Variants in AEBP2 observed in about 807,000 individuals in gnomAD.
AEBP2 encodes AE binding protein 2.
In AEBP2, 10 loss-of-function variants were observed where a neutral mutation model predicts 50.8. The ratio of observed to expected loss-of-function variants is 0.20; its 90% CI spans 0.12 to 0.33. The LOEUF (loss-of-function observed/expected upper bound fraction) is 0.33. AEBP2 is among the 10% of genes least tolerant of loss of function. The pLI, the probability that AEBP2 is intolerant of heterozygous loss-of-function variation, is 1.00. For synonymous variants in AEBP2, 296 were observed against 261.3 expected (o/e 1.13, Z -1.28); for missense variants, 570 against 688.0 (o/e 0.83, Z 1.92).
chr12:19,488,870 A>C (rs1304104205), intron 3 of AEBP2, among the ~76,000 whole-genome samples: 2 of 151,990 alleles, frequency 1.3e-5, no homozygotes, highest in South Asian at 2.1e-4. Flanking sequence ...GCTCACCACA[A>C]CCTCCGCCTC....
chr12:19,427,450 C>T (rs1478623125), intron 1 of AEBP2, among the ~76,000 whole-genome samples: 2 of 148,986 alleles, frequency 1.3e-5, no homozygotes, highest in African/African-American at 4.9e-5. Context: ...CATGCATCTT[C>T]TCCTATGTTT....
At chr12:19,426,265 G>A (rs2095748489) in intron 1 of AEBP2, among the ~76,000 whole-genome samples, 1 of 152,068 alleles carries the variant, frequency 6.6e-6, no homozygotes, top group African/African-American at 2.4e-5. Context: ...CAATGATGGT[G>A]ACTAGAGGGC....
At chr12:19,436,251 G>T (rs772265797), upstream of AEBP2, among the ~76,000 whole-genome samples, 1 of 152,078 alleles carries the variant, frequency 6.6e-6, no homozygotes, top group Admixed American at 6.6e-5. Flanking sequence ...TGCCAATGTC[G>T]GGAAGTTACC....
In AEBP2 at chr12:19,454,957, C is replaced by CT. The variant is rs142349341; in HGVS notation, c.672-7549dup. Among the ~76,000 whole-genome samples, 1,090 of 151,904 alleles carry CT rather than the reference C, an allele frequency of 7.2e-3. 12 individuals carry two copies. The highest frequency in any genetic ancestry group is 0.025 in the African/African-American group (1,054 of 41,468). ...AAGTATTCCCGTTTAGAAACATATT[C>CT]TTTTGATCTGTTTTAGGGAGGTGCT... On this transcript the variant is annotated intron_variant, in intron 1 of 7. Coordinates refer to ENST00000266508, the MANE Select transcript of AEBP2 (RefSeq NM_153207.5).
chr12:19,504,253 G>A (rs1336695911), intron 5 of AEBP2, among the ~76,000 whole-genome samples: 3 of 150,334 alleles, frequency 2.0e-5, no homozygotes, highest in Non-Finnish European at 4.4e-5. Context: ...ATATTTTTTT[G>A]AGACGGAGTC....
intron 4 of AEBP2, among the ~76,000 whole-genome samples, chr12:19,495,481 A>T (rs11044618): frequency 6.6e-6 from 1 of 151,032 alleles, no homozygotes; most frequent in Non-Finnish European, 1.5e-5. Flanking sequence ...TTTCGTTTTT[A>T]TTTTTTTTCT....
intron 1 of AEBP2, among the ~76,000 whole-genome samples, chr12:19,406,234 G>A (rs2095736212): frequency 6.6e-6 from 1 of 151,940 alleles, no homozygotes. Context: ...CAAAGTGCTG[G>A]GATTATAGGC....
At position 19,518,569 on chromosome 12, in the gene AEBP2, G is replaced by A. The variant is rs927550761; in HGVS notation, c.*452G>A. 10 of 1,346,006 alleles carry A rather than the reference G, an allele frequency of 7.4e-6. No individual in the cohort carries two copies. The highest frequency in any genetic ancestry group is 5.2e-5 in the Admixed American group (2 of 38,280). 83.4% of individuals were successfully genotyped at this position (1,346,006 alleles called of 1,614,324 possible). Reference sequence around the variant, plus strand: ...TTGTCTTGACAGTGTTTATTGATTTGAAGTCATATTAGGAAATATTTAGAC... The same window carrying A: ...TTGTCTTGACAGTGTTTATTGATTTAAAGTCATATTAGGAAATATTTAGAC... On this transcript the variant is annotated 3_prime_UTR_variant, in exon 8 of 8. Transcript: ENST00000266508.
At chr12:19,502,943 T>C (rs1949104923) in intron 5 of AEBP2, among the ~76,000 whole-genome samples, 1 of 152,148 alleles carries the variant, frequency 6.6e-6, no homozygotes, top group Admixed American at 6.6e-5. Flanking sequence ...GCCACCACGC[T>C]TGGCTGTTTG....
At chr12:19,509,609 G>A (rs1049417564) in intron 5 of AEBP2, among the ~76,000 whole-genome samples, 4 of 152,032 alleles carry the variant, frequency 2.6e-5, no homozygotes, top group South Asian at 2.1e-4. Flanking sequence ...ATACCTAGGC[G>A]TAGTGGCTGC....
At chr12:19,435,579 T>A, upstream of AEBP2, among the ~76,000 whole-genome samples, 1 of 152,224 alleles carries the variant, frequency 6.6e-6, no homozygotes, top group South Asian at 2.1e-4. Context: ...CAATCTAATA[T>A]TTAACTATTT....
chr12:19,445,613 A>G (rs904393911), intron 1 of AEBP2, among the ~76,000 whole-genome samples: 1 of 152,176 alleles, frequency 6.6e-6, no homozygotes. Context: ...AAATGAATTG[A>G]TAATAGCTAG....
At chr12:19,509,048 T>C (rs1294136240) in intron 5 of AEBP2, 3 of 596,314 alleles carry the variant, frequency 5.0e-6, no homozygotes, top group Non-Finnish European at 9.5e-6. Flanking sequence ...ATGTGGCATG[T>C]GCCCAGGCAG....
In AEBP2 at chr12:19,439,822, AGAGGAG is replaced by A. The variant is rs769850890; in HGVS notation, c.132_137del (p.Glu47_Glu48del). 16 of 1,503,038 alleles carry A rather than the reference AGAGGAG, an allele frequency of 1.1e-5. No homozygotes were observed. The African/African-American group carries it at 1.8e-4, about 16-fold the overall frequency. 93.1% of individuals were successfully genotyped at this position (1,503,038 alleles called of 1,614,324 possible). ...CTGAGCCCCCCGAGGAGGAGGAGGA[AGAGGAG>A]GAGGAGGAAGAGGAGGCGGAGGCCG... is the stretch of plus-strand genomic sequence containing the variant. On this transcript the variant is annotated inframe_deletion, in exon 1 of 8. Coordinates refer to ENST00000266508, the MANE Select transcript of AEBP2 (RefSeq NM_153207.5).
At chr12:19,476,083 T>C (rs375619519) in intron 3 of AEBP2, among the ~76,000 whole-genome samples, 40 of 152,284 alleles carry the variant, frequency 2.6e-4, no homozygotes, top group African/African-American at 9.6e-4. Flanking sequence ...TTCATCTGTT[T>C]GTTGTTGTTC....
chr12:19,476,435 G>A (rs192312289), intron 3 of AEBP2, among the ~76,000 whole-genome samples: 145 of 152,118 alleles, frequency 9.5e-4, no homozygotes, highest in Non-Finnish European at 1.4e-3. Flanking sequence ...TCTGCCTCCC[G>A]AGTTCAAGCA....
At chr12:19,467,710 G>A (rs1376568817) in intron 2 of AEBP2, among the ~76,000 whole-genome samples, 1 of 152,166 alleles carries the variant, frequency 6.6e-6, no homozygotes, top group Non-Finnish European at 1.5e-5. Context: ...TGGGGAACTT[G>A]TAGGACTTTA....
chr12:19,458,977 T>A (rs1036231588), intron 1 of AEBP2, among the ~76,000 whole-genome samples: 1 of 152,198 alleles, frequency 6.6e-6, no homozygotes, highest in Non-Finnish European at 1.5e-5. Flanking sequence ...CCTGCACTTG[T>A]GTGTGTTTTA....
At chr12:19,507,914 TAATG>T (rs1019339531) in intron 5 of AEBP2, among the ~76,000 whole-genome samples, 2 of 152,220 alleles carry the variant, frequency 1.3e-5, no homozygotes, top group Non-Finnish European at 2.9e-5. Flanking sequence ...ATAATACAAA[TAATG>T]AAACAATTGG....
Sources: allele counts gnomAD v4.1 joint callset (sites outside exome capture counted in the v4.1 genomes callset), GRCh38; gene constraint gnomAD v4.1.1; transcripts MANE v1.5; gene names NCBI Gene and HGNC (gene_info 2026-07-23, HGNC 2026-07-21).